NCF2: variants seen among roughly 807,000 people sequenced by gnomAD.
The protein encoded by NCF2 is neutrophil cytosolic factor 2.
NCF2 carries 45 observed loss-of-function variants against 70.9 expected under a neutral mutation model. That is an observed-to-expected ratio of 0.63 (90% confidence interval 0.50 to 0.81). The LOEUF is 0.81. Ranked by LOEUF, NCF2 falls within the 40% of genes least tolerant of loss-of-function variation. NCF2 has a pLI of 0.00. For missense variants in NCF2, 522 were observed against 631.6 expected (o/e 0.83, Z 1.86); for synonymous variants, 203 against 233.6 (o/e 0.87, Z 1.19).
At chr1:183,597,185 C>T in the NCF2 span, among the ~76,000 whole-genome samples, 2 of 152,162 alleles carry the variant, frequency 1.3e-5, no homozygotes, top group African/African-American at 2.4e-5. Flanking sequence ...CTGCATTTTT[C>T]GTCTAGAGTA....
At chr1:183,586,152 T>C (rs1230391076) in intron 2 of NCF2, among the ~76,000 whole-genome samples, 1 of 152,252 alleles carries the variant, frequency 6.6e-6, no homozygotes, top group East Asian at 1.9e-4. Context: ...CTGACCAACA[T>C]GGAGAAACCC....
intron 11 of NCF2, 152 bp from the exon 12 acceptor site, chr1:183,563,737 C>A: frequency 1.0e-6 from 1 of 965,868 alleles, no homozygotes; most frequent in Non-Finnish European, 1.6e-6. Context: ...GCCTAAAAGG[C>A]CTTCAGAGGT....
upstream of NCF2, chr1:183,590,979 A>G (rs1265783266): frequency 6.4e-6 from 1 of 157,366 alleles, no homozygotes; most frequent in Non-Finnish European, 1.4e-5. Flanking sequence ...CTTTTAACCA[A>G]TTGAATGTTG....
chr1:183,563,379 C>T (rs1672160862), intron 12 of NCF2, 55 bp downstream of exon 12: 2 of 1,613,974 alleles, frequency 1.2e-6, no homozygotes, highest in Non-Finnish European at 1.7e-6. Flanking sequence ...TTCCCTCCTC[C>T]AGGCCAGCAC....
intron 1 of NCF2, among the ~76,000 whole-genome samples, chr1:183,587,321 C>A (rs572564154): frequency 6.6e-6 from 1 of 152,178 alleles, no homozygotes; most frequent in Admixed American, 6.5e-5. Context: ...TTCCCAGGTG[C>A]GGTTGCTCAC....
chr1:183,579,797 A>G (rs1278625704), intron 2 of NCF2, among the ~76,000 whole-genome samples: 1 of 151,106 alleles, frequency 6.6e-6, no homozygotes, highest in Non-Finnish European at 1.5e-5. Flanking sequence ...TCACAGGTTC[A>G]TTGTGAGAAC....
chr1:183,556,344 A>T, intron 14 of NCF2, 114 bp from the exon 15 acceptor site: 1 of 891,930 alleles, frequency 1.1e-6, no homozygotes, highest in Non-Finnish European at 1.8e-6. Flanking sequence ...CCTAATTGTG[A>T]TCAACAGGGA....
intron 2 of NCF2, among the ~76,000 whole-genome samples, chr1:183,582,961 G>A (rs890406532): frequency 6.0e-5 from 9 of 151,150 alleles, no homozygotes; most frequent in South Asian, 2.1e-4. Flanking sequence ...AAAAACATAC[G>A]AAAGTGGGGA....
intron 2 of NCF2, among the ~76,000 whole-genome samples, chr1:183,585,067 T>C (rs932122497): frequency 2.0e-5 from 3 of 152,204 alleles, no homozygotes; most frequent in African/African-American, 7.2e-5. Flanking sequence ...CTACTTTCAC[T>C]TCTTCAGGTA....
chr1:183,574,508 G>T lies in NCF2; in HGVS notation c.480C>A (p.Asp160Glu). Reference protein sequence around the residue: ...MKSEPRHSKIDKAMECVWKQK... With the variant: ...MKSEPRHSKIEKAMECVWKQK... ...TTACCCAGACACACTCCATCGCCTT[G>T]TCGATTTTGGAATGTCTGGGCTCAG... Residue 160 changes from aspartate (D) to glutamate (E), a missense_variant, in exon 4 of 15, where the codon GAC (aspartate) becomes GAA (glutamate). Transcript: ENST00000367535. 6.2e-7 allele frequency: 1 copy of T among 1,614,198 alleles called. No homozygotes were observed. The highest frequency in any genetic ancestry group is 8.5e-7 in the Non-Finnish European group (1 of 1,180,028).
chr1:183,576,331 C>T (rs1212459776), intron 3 of NCF2, among the ~76,000 whole-genome samples: 1 of 152,194 alleles, frequency 6.6e-6, no homozygotes, highest in Non-Finnish European at 1.5e-5. Context: ...TGGAACTGTA[C>T]TTTGATGCTG....
At chr1:183,559,399 C>T (rs533307200) in intron 14 of NCF2, among the ~76,000 whole-genome samples, 9 of 152,270 alleles carry the variant, frequency 5.9e-5, no homozygotes, top group African/African-American at 2.2e-4. Context: ...GTTTTTAAGG[C>T]AAAATTTACC....
At chr1:183,564,317 C>CGGTGAA (rs1672212538) in intron 10 of NCF2, among the ~76,000 whole-genome samples, 1 of 151,916 alleles carries the variant, frequency 6.6e-6, no homozygotes, top group Admixed American at 6.6e-5. Context: ...AGCAGGGATC[C>CGGTGAA]CAAAGGTCAA....
chr1:183,591,750 A>G (rs1673661779), upstream of NCF2, among the ~76,000 whole-genome samples: 2 of 152,138 alleles, frequency 1.3e-5, no homozygotes, highest in Admixed American at 1.3e-4. Context: ...CCTCCCCTCA[A>G]AGTGCTGGGA....
At chr1:183,565,485 C>G (rs1397267083) in intron 10 of NCF2, among the ~76,000 whole-genome samples, 1 of 152,188 alleles carries the variant, frequency 6.6e-6, no homozygotes, top group South Asian at 2.1e-4. Flanking sequence ...ACCCAAGCCC[C>G]GTGAGTGTTC....
intron 6 of NCF2, among the ~76,000 whole-genome samples, chr1:183,570,191 T>C (rs1672480832): frequency 6.6e-6 from 1 of 152,244 alleles, no homozygotes; most frequent in South Asian, 2.1e-4. Context: ...TTCCTTAATG[T>C]GTTTTCCCCT....
upstream of NCF2, among the ~76,000 whole-genome samples, chr1:183,591,789 G>A (rs1416589944): frequency 2.0e-5 from 3 of 152,198 alleles, no homozygotes; most frequent in South Asian, 2.1e-4. Flanking sequence ...GTGCCCAGCC[G>A]AAATAACTTT....
chr1:183,595,540 G>A (rs139103483), upstream of NCF2, among the ~76,000 whole-genome samples: 80 of 152,294 alleles, frequency 5.3e-4, no homozygotes, highest in African/African-American at 1.8e-3. Flanking sequence ...GGCTGAGATC[G>A]AGGTGTTATC....
At chr1:183,569,484 T>C (rs769609589) in intron 6 of NCF2, among the ~76,000 whole-genome samples, 12 of 152,352 alleles carry the variant, frequency 7.9e-5, no homozygotes, top group Non-Finnish European at 1.3e-4. Context: ...ACAAGAATGC[T>C]TTGACCTTGA....
Sources: gnomAD v4.1 joint callset for allele counts (sites outside exome capture counted in the v4.1 genomes callset) on GRCh38, gnomAD v4.1.1 for gene constraint, MANE v1.5 for transcripts, NCBI Gene and HGNC (gene_info 2026-07-23, HGNC 2026-07-21) for gene names.